PIEZO2: variants seen among roughly 807,000 people sequenced by gnomAD.
PIEZO2 encodes the protein piezo-type mechanosensitive ion channel component 2.
A neutral mutation model predicts 337.3 loss-of-function variants in PIEZO2; 172 were observed. That is an observed-to-expected ratio of 0.51 (90% CI 0.45 to 0.58). PIEZO2 has a LOEUF of 0.58. Among genes scored for constraint, PIEZO2 ranks in the 20% least tolerant of loss-of-function variants. The probability of loss-of-function intolerance (pLI) is 0.00; values close to 1 mark genes in which losing one functional copy is unlikely to be tolerated. For missense variants in PIEZO2, 3,028 were observed against 3,391.3 expected (o/e 0.89, Z 2.66); for synonymous variants, 1,251 against 1,228.5 (o/e 1.02, Z -0.38).
intron 37 of PIEZO2, among the ~76,000 whole-genome samples, chr18:10,717,359 G>A (rs1255562396): frequency 6.6e-6 from 1 of 152,152 alleles, no homozygotes; most frequent in Non-Finnish European, 1.5e-5. Flanking sequence ...CACGGTGGAG[G>A]GCATTAGGTG....
chr18:10,804,299 A>C (rs1254128966), intron 8 of PIEZO2, among the ~76,000 whole-genome samples: 1 of 152,218 alleles, frequency 6.6e-6, no homozygotes, highest in Non-Finnish European at 1.5e-5. Flanking sequence ...GCAGAGATGC[A>C]CATGGCTCTT....
chr18:10,800,152 A>G (rs1018559052), intron 11 of PIEZO2, among the ~76,000 whole-genome samples, 185 bp downstream of exon 11: 2 of 152,210 alleles, frequency 1.3e-5, no homozygotes, highest in African/African-American at 4.8e-5. Context: ...CTTTGTATAC[A>G]AGGATAGAAC....
In PIEZO2 at chr18:11,114,491, C is replaced by T. The variant is rs144772062; in HGVS notation, c.64+34034G>A. Among the ~76,000 whole-genome samples the T allele has an allele frequency of 6.9e-3, 1,057 of 152,200 alleles. 6 individuals are homozygous for T. The highest frequency in any genetic ancestry group is 0.012 in the Non-Finnish European group (825 of 68,010). Reference sequence around the variant, plus strand: ...GACCAGCCTGGCCAACATGGCAAAACGTCATCTCTACTAAAAATACAAAAA... The same window carrying T: ...GACCAGCCTGGCCAACATGGCAAAATGTCATCTCTACTAAAAATACAAAAA... On this transcript the variant is annotated intron_variant, in intron 1 of 55. Coordinates refer to ENST00000674853, the MANE Select transcript of PIEZO2 (RefSeq NM_001378183.1).
intron 44 of PIEZO2, among the ~76,000 whole-genome samples, chr18:10,698,146 T>A (rs2035180835): frequency 6.6e-6 from 1 of 152,244 alleles, no homozygotes; most frequent in Admixed American, 6.5e-5. Context: ...GTTTTTATTG[T>A]GCTAACTAGG....
At position 10,821,381 on chromosome 18, in the gene PIEZO2, A is replaced by G. The variant is rs2040516786; in HGVS notation, c.918-14107T>C. On this transcript the variant is annotated intron_variant, in intron 7 of 55. Coordinates refer to ENST00000674853, the MANE Select transcript of PIEZO2 (RefSeq NM_001378183.1). The surrounding 1 kb of genome is among the most constrained non-coding windows in gnomAD (Gnocchi z 4.2). ...ATTATAGGAGGATAGCTGGTCTAGT[A>G]CACTTCACATATCTTTTTAACACCT... Among the ~76,000 whole-genome samples the G allele has an allele frequency of 6.6e-6, 1 of 152,170 alleles. No individual in the cohort carries two copies. Among genetic ancestry groups the G allele is most frequent in the Non-Finnish European group, 1.5e-5 (1 of 68,030 alleles).
chr18:10,726,317 G>C lies in PIEZO2; in HGVS notation c.5029+5090C>G. The C allele has an allele frequency of 2.4e-6, 3 of 1,274,636 alleles. No individual in the cohort carries two copies. Among genetic ancestry groups the C allele is most frequent in the Non-Finnish European group, 3.2e-6 (3 of 926,224 alleles). 79.0% of individuals were successfully genotyped at this position (1,274,636 alleles called of 1,614,324 possible). A position where few individuals can be genotyped will look rare whatever the true frequency, so the allele number is the denominator to read the frequency against. Reference sequence around the variant, plus strand: ...AGAGCCCCGGCCAGGTGGAGCAGGTGGGTCCCCGAACGCCCCGCCCAGCGC... The same window carrying C: ...AGAGCCCCGGCCAGGTGGAGCAGGTCGGTCCCCGAACGCCCCGCCCAGCGC... On this transcript the variant is annotated intron_variant, in intron 36 of 55. Transcript: ENST00000674853. This position sits in a 1 kb window ranked among gnomAD's most constrained non-coding sequence, Gnocchi z 5.9.
At chr18:10,932,761 A>C (rs2032166048) in intron 3 of PIEZO2, among the ~76,000 whole-genome samples, 1 of 151,978 alleles carries the variant, frequency 6.6e-6, no homozygotes, top group Non-Finnish European at 1.5e-5. Flanking sequence ...ATCTTTACAA[A>C]ATAATTTTTA....
chr18:10,861,805 G>A lies in PIEZO2; in HGVS notation c.493-4594C>T, dbSNP rs1158453368. Reference sequence around the variant, plus strand: ...AGCTGAGGCAGGTGGATCACCTGAGGTCAGGAGATCGAGACCTGCCTGGAC... The same window carrying A: ...AGCTGAGGCAGGTGGATCACCTGAGATCAGGAGATCGAGACCTGCCTGGAC... On this transcript the variant is annotated intron_variant, in intron 5 of 55. Coordinates refer to ENST00000674853, the MANE Select transcript of PIEZO2 (RefSeq NM_001378183.1). This position sits in a 1 kb window ranked among gnomAD's most constrained non-coding sequence, Gnocchi z 4.3. Among the ~76,000 whole-genome samples, 1 of 152,166 alleles carries A rather than the reference G, an allele frequency of 6.6e-6. No individual in the cohort carries two copies. The highest frequency in any genetic ancestry group is 1.5e-5 in the Non-Finnish European group (1 of 68,018).
intron 3 of PIEZO2, among the ~76,000 whole-genome samples, chr18:10,978,095 G>T (rs1291378544): frequency 6.6e-6 from 1 of 152,134 alleles, no homozygotes; most frequent in Non-Finnish European, 1.5e-5. Context: ...GGCCGAGGCA[G>T]GCGGATCACG....
chr18:10,773,594 G>A lies in PIEZO2; in HGVS notation c.2603C>T (p.Thr868Ile), dbSNP rs1254568295. Residue 868 changes from threonine to isoleucine, a missense_variant, in exon 20 of 56, where the codon ACC becomes ATC. Coordinates refer to ENST00000674853, the MANE Select transcript of PIEZO2 (RefSeq NM_001378183.1). This position sits in a 1 kb window ranked among gnomAD's most constrained non-coding sequence, Gnocchi z 5.3. ...CAGGCTGGCAGTCAGATGCATCATG[G>A]TGAGGTCCGGGAGGCTTCCTTCCGG... ...AHPEGSLPDL[T>I]MMHLTASLEK... is the part of the protein sequence containing the mutation. 6.2e-5 allele frequency: 95 copies of A among 1,537,212 alleles called. No individual in the cohort carries two copies. Among genetic ancestry groups the A allele is most frequent in the Non-Finnish European group, 7.7e-5 (88 of 1,146,944 alleles).
chr18:10,927,225 C>T (rs917983753), intron 3 of PIEZO2, among the ~76,000 whole-genome samples: 2 of 152,076 alleles, frequency 1.3e-5, no homozygotes, highest in Admixed American at 6.5e-5. Flanking sequence ...TTTCTTTTTC[C>T]TATTTTATTT....
chr18:11,103,843 G>A (rs1332372811), intron 1 of PIEZO2, among the ~76,000 whole-genome samples: 2 of 151,970 alleles, frequency 1.3e-5, no homozygotes, highest in Non-Finnish European at 1.5e-5. Flanking sequence ...GTGTGTGACG[G>A]AGTCTTGCTC....
rs114833784 is a variant in PIEZO2 at position 10,725,521 on chromosome 18, C to T, written c.5029+5886G>A. ...TGAAAGGGGCCTGGGAGCTGGGAGT[C>T]GTGGGAAGGAGGGGCCCCACTAACT... On this transcript the variant is annotated intron_variant, in intron 36 of 55. Transcript: ENST00000674853. The T allele has an allele frequency of 1.4e-3, 2,031 of 1,408,494 alleles. 21 individuals carry two copies. In the African/African-American group the frequency reaches 0.023, roughly 16 times the overall value. 87.2% of individuals were successfully genotyped at this position (1,408,494 alleles called of 1,614,324 possible). A position where few individuals can be genotyped will look rare whatever the true frequency, so the allele number is the denominator to read the frequency against.
chr18:11,137,142 C>A (rs989703283), intron 1 of PIEZO2, among the ~76,000 whole-genome samples: 2 of 152,146 alleles, frequency 1.3e-5, no homozygotes, highest in Non-Finnish European at 2.9e-5. Context: ...GAGGGAGGAT[C>A]ATCGAAATAT....
At chr18:10,720,955 C>T (rs1329778753) in intron 36 of PIEZO2, among the ~76,000 whole-genome samples, 1 of 152,206 alleles carries the variant, frequency 6.6e-6, no homozygotes, top group Non-Finnish European at 1.5e-5. Flanking sequence ...CTCCCTTCTT[C>T]ATGGAGCATT....
intron 4 of PIEZO2, among the ~76,000 whole-genome samples, chr18:10,885,264 A>G (rs1251382384): frequency 6.6e-6 from 1 of 152,032 alleles, no homozygotes; most frequent in African/African-American, 2.4e-5. Flanking sequence ...CTCTACTAAA[A>G]ATACAAAAAA....
chr18:10,714,979 T>A, intron 38 of PIEZO2, 49 bp from the exon 39 acceptor site: 1 of 1,510,314 alleles, frequency 6.6e-7, no homozygotes, highest in Non-Finnish European at 8.9e-7. Flanking sequence ...CATCTACCTG[T>A]ATAGCCACCT....
intron 14 of PIEZO2, 64 bp from the exon 15 acceptor site, chr18:10,789,429 T>A: frequency 1.4e-6 from 2 of 1,471,240 alleles, no homozygotes; most frequent in South Asian, 1.4e-5. Context: ...ACTTTGACCA[T>A]GTGATAGGTA....
chr18:10,975,294 C>T (rs756914040), intron 3 of PIEZO2, among the ~76,000 whole-genome samples: 10 of 152,168 alleles, frequency 6.6e-5, no homozygotes, highest in African/African-American at 2.2e-4. Flanking sequence ...AAACAAACTA[C>T]GTCTATGTAA....
Sources: gnomAD v4.1 joint callset for allele counts (sites outside exome capture counted in the v4.1 genomes callset) on GRCh38, gnomAD v4.1.1 for gene constraint, Gnocchi (gnomAD v3.1) non-coding constraint, MANE v1.5 for transcripts, NCBI Gene and HGNC (gene_info 2026-07-23, HGNC 2026-07-21) for gene names.